The following ATP2B2 variants were observed in gnomAD, a reference collection of about 807,000 sequenced individuals.
The protein encoded by ATP2B2 is plasma membrane calcium-transporting ATPase 2.
ATP2B2 carries 15 observed loss-of-function variants against 120.0 expected under a neutral mutation model. The observed-to-expected ratio is 0.12, with a 90% CI of 0.08 to 0.19. ATP2B2 has a LOEUF of 0.19. Among genes scored for constraint, ATP2B2 ranks in the 10% least tolerant of loss-of-function variants. The pLI, the probability that ATP2B2 is intolerant of heterozygous loss-of-function variation, is 1.00. For missense variants in ATP2B2, 1,045 were observed against 1,719.8 expected (o/e 0.61, Z 6.94); for synonymous variants, 694 against 700.3 (o/e 0.99, Z 0.14).
chr3:10,478,424 C>G (rs2065282419), intron 1 of ATP2B2, among the ~76,000 whole-genome samples: 1 of 152,162 alleles, frequency 6.6e-6, no homozygotes, highest in Admixed American at 6.5e-5. Flanking sequence ...CTTTTGGTGT[C>G]ATAGCCAATA....
chr3:10,624,833 A>G (rs1030991252), intron 1 of ATP2B2, among the ~76,000 whole-genome samples: 1 of 152,170 alleles, frequency 6.6e-6, no homozygotes, highest in Admixed American at 6.5e-5. Context: ...GCAAAGCCCA[A>G]TGTTGTGTTT....
At chr3:10,469,078 C>T (rs1449222496) in intron 1 of ATP2B2, among the ~76,000 whole-genome samples, 1 of 152,168 alleles carries the variant, frequency 6.6e-6, no homozygotes, top group Non-Finnish European at 1.5e-5. Flanking sequence ...TGTGGATCGA[C>T]TTCGATGTGT....
chr3:10,692,990 A>G (rs1399755951), intron 1 of ATP2B2, among the ~76,000 whole-genome samples: 6 of 152,174 alleles, frequency 3.9e-5, no homozygotes, highest in Non-Finnish European at 5.9e-5. Flanking sequence ...ACAAACTTAC[A>G]TCAGGGGCTG....
intron 1 of ATP2B2, among the ~76,000 whole-genome samples, chr3:10,667,625 G>T (rs557957986): frequency 6.6e-6 from 1 of 152,168 alleles, no homozygotes; most frequent in Admixed American, 6.5e-5. Context: ...AAAAGCCCGA[G>T]GGCTCAGCAG....
At chr3:10,516,383 C>A (rs1297946754) in intron 3 of ATP2B2, among the ~76,000 whole-genome samples, 1 of 152,220 alleles carries the variant, frequency 6.6e-6, no homozygotes, top group Non-Finnish European at 1.5e-5. Flanking sequence ...GTGACCCTGG[C>A]ATGGCATTGT....
intron 2 of ATP2B2, among the ~76,000 whole-genome samples, chr3:10,552,747 T>C (rs1055664715): frequency 6.6e-6 from 1 of 152,160 alleles, no homozygotes; most frequent in African/African-American, 2.4e-5. Flanking sequence ...TGCTCAAAAA[T>C]GGGTCAGGAA....
intron 7 of ATP2B2, among the ~76,000 whole-genome samples, chr3:10,385,828 T>C (rs1343428377): frequency 6.6e-6 from 1 of 152,238 alleles, no homozygotes; most frequent in Non-Finnish European, 1.5e-5. Context: ...TGACTTTGAC[T>C]TAACTGGATT....
chr3:10,703,850 A>G (rs1018753870), intron 1 of ATP2B2, among the ~76,000 whole-genome samples: 1 of 152,108 alleles, frequency 6.6e-6, no homozygotes, highest in African/African-American at 2.4e-5. Context: ...CATCTTCCCA[A>G]CCGCTTCCTT....
chr3:10,423,205 T>C (rs1166635338), intron 2 of ATP2B2, among the ~76,000 whole-genome samples: 1 of 152,230 alleles, frequency 6.6e-6, no homozygotes, highest in African/African-American at 2.4e-5. Context: ...GCAATTCCAA[T>C]GTCCCTGGAT....
At chr3:10,395,122 C>G (rs2124927579) in intron 5 of ATP2B2, among the ~76,000 whole-genome samples, 1 of 152,296 alleles carries the variant, frequency 6.6e-6, no homozygotes, top group South Asian at 2.1e-4. Context: ...TGAAATGTTG[C>G]AAGATGAGGA....
At chr3:10,669,339 T>G (rs1364324321) in intron 1 of ATP2B2, among the ~76,000 whole-genome samples, 3 of 151,954 alleles carry the variant, frequency 2.0e-5, no homozygotes, top group Non-Finnish European at 2.9e-5. Context: ...CCCAACACAG[T>G]CTCCTGGGAG....
chr3:10,459,995 G>A (rs1008973940), intron 1 of ATP2B2, among the ~76,000 whole-genome samples: 1 of 152,224 alleles, frequency 6.6e-6, no homozygotes, highest in African/African-American at 2.4e-5. Context: ...TCTACAGTGA[G>A]GCACAGGGTT....
intron 12 of ATP2B2, among the ~76,000 whole-genome samples, chr3:10,371,327 G>A (rs2061235309): frequency 6.6e-6 from 1 of 152,240 alleles, no homozygotes; most frequent in Non-Finnish European, 1.5e-5. Flanking sequence ...CTGAGGCCAT[G>A]CCAAGTCAGC....
At position 10,447,715 on chromosome 3, in the gene ATP2B2, A is replaced by G. The variant is rs558856926; in HGVS notation, c.199+1630T>C. ...CATTCTGCCAGGGATAAGTGAGCACAAGAAGCTGGGACCCAGAAGTCTCCA... is the reference window on the plus strand; with the variant it reads ...CATTCTGCCAGGGATAAGTGAGCACGAGAAGCTGGGACCCAGAAGTCTCCA... On this transcript the variant is annotated intron_variant, in intron 2 of 22. Transcript: ENST00000360273. 7.1e-4 allele frequency among the ~76,000 whole-genome samples: 108 copies of G among 152,346 alleles called. 1 individual carries two copies. Among genetic ancestry groups the G allele is most frequent in the Non-Finnish European group, 1.2e-3 (80 of 68,022 alleles).
Position 10,469,238 on chromosome 3 carries a change from G to A in ATP2B2, c.-319-19376C>T, listed in dbSNP as rs2064880707. ...CTAACATTTATGGAGCATTCTCTAT[G>A]TGCCAAGCCCTGCAAGAGGCACTTT... On this transcript the variant is annotated intron_variant, in intron 1 of 22. Transcript: ENST00000360273. 1.3e-5 allele frequency among the ~76,000 whole-genome samples: 2 copies of A among 152,220 alleles called. 1 individual carries two copies. The highest frequency in any genetic ancestry group is 4.1e-4 in the South Asian group (2 of 4,830).
chr3:10,380,362 G>T (rs1170423164), intron 8 of ATP2B2, among the ~76,000 whole-genome samples: 1 of 152,244 alleles, frequency 6.6e-6, no homozygotes, highest in African/African-American at 2.4e-5. Flanking sequence ...CTTGGGAGGG[G>T]TCTGAGAAGG....
chr3:10,333,046 G>C (rs772936568), intron 22 of ATP2B2, among the ~76,000 whole-genome samples: 2 of 152,222 alleles, frequency 1.3e-5, no homozygotes, highest in African/African-American at 4.8e-5. Context: ...TACCATGTGC[G>C]TCTGTCTGCT....
rs768476072 is a variant in ATP2B2 at position 10,388,265 on chromosome 3, G to C, written c.907+12C>G. 2 of 1,613,970 alleles carry C rather than the reference G, an allele frequency of 1.2e-6. No individual in the cohort carries two copies. Among genetic ancestry groups the C allele is most frequent in the Non-Finnish European group, 1.7e-6 (2 of 1,180,010 alleles). On this transcript the variant is annotated intron_variant, in intron 6 of 22. Coordinates refer to ENST00000360273, the MANE Select transcript of ATP2B2 (RefSeq NM_001001331.4). ...GAGCTCCTCTCCTGGTCTGCAAGGG[G>C]ATTAGGCTTACCTTTTTTGTCTTTC... is the stretch of plus-strand genomic sequence containing the variant.
chr3:10,690,556 G>T (rs138498278), intron 1 of ATP2B2, among the ~76,000 whole-genome samples: 233 of 152,184 alleles, frequency 1.5e-3, no homozygotes, highest in Non-Finnish European at 2.8e-3. Context: ...TCTAAAGGTT[G>T]CCACCTTACT....
Sources: allele counts gnomAD v4.1 joint callset (sites outside exome capture counted in the v4.1 genomes callset), GRCh38; gene constraint gnomAD v4.1.1; transcripts MANE v1.5; gene names NCBI Gene and HGNC (gene_info 2026-07-23, HGNC 2026-07-21).